MAOB: variants seen among roughly 807,000 people sequenced by gnomAD.
MAOB encodes the protein monoamine oxidase B, also known as amine oxidase [flavin-containing] B.
A neutral mutation model predicts 41.9 loss-of-function variants in MAOB; 15 were observed. The observed-to-expected ratio is 0.36, with a 90% CI of 0.24 to 0.55. The LOEUF is 0.55. MAOB is among the 20% of genes least tolerant of loss of function. The probability of loss-of-function intolerance (pLI) is 0.86; values close to 1 mark genes in which losing one functional copy is unlikely to be tolerated. For missense variants in MAOB, 345 were observed against 398.7 expected, an observed-to-expected ratio of 0.87 and a Z score of 1.15; for synonymous variants, 167 against 144.2, an observed-to-expected ratio of 1.16 and a Z score of -1.13.
intron 8 of MAOB, among the ~76,000 whole-genome samples, chrX:43,791,672 G>A (rs188294891): frequency 1.2e-4 from 13 of 110,386 alleles, no homozygotes; most frequent in Admixed American, 3.9e-4. Context: ...CAGGTGAATC[G>A]CTTAAACCCG....
chrX:43,860,196 T>C (rs1209308851), intron 1 of MAOB, among the ~76,000 whole-genome samples: 1 of 112,056 alleles, frequency 8.9e-6, no homozygotes, highest in African/African-American at 3.2e-5. Context: ...GACTCCACTT[T>C]TGAGCCTCTT....
At chrX:43,767,881 T>C (rs1035058628) in intron 14 of MAOB, among the ~76,000 whole-genome samples, 5 of 112,160 alleles carry the variant, frequency 4.5e-5, no homozygotes, top group Admixed American at 1.9e-4. Context: ...TTCACTGTTC[T>C]GTACTTTTTG....
chrX:43,882,006 C>T (rs967418060), intron 1 of MAOB, among the ~76,000 whole-genome samples: 2 of 112,317 alleles, frequency 1.8e-5, no homozygotes, highest in Non-Finnish European at 3.8e-5. Context: ...GGGAGAAGTT[C>T]AAAGTCTGGC....
Position 43,766,830 on chromosome X carries a change from G to A in MAOB, c.*636C>T, listed in dbSNP as rs182018652. ...TTAGCACAGAGTAAACCCACACAAC[G>A]GGACACCATCGGTAACTATGACAGG... On this transcript the variant is annotated 3_prime_UTR_variant, in exon 15 of 15. Transcript: ENST00000378069. The A allele has an allele frequency of 1.7e-3, 192 of 111,715 alleles. 1 individual carries two copies. Among genetic ancestry groups the A allele is most frequent in the Non-Finnish European group, 1.6e-3 (86 of 53,275 alleles). 9.2% of individuals were successfully genotyped at this position (111,715 alleles called of 1,213,427 possible).
intron 12 of MAOB, among the ~76,000 whole-genome samples, chrX:43,774,317 C>A (rs2034224827): frequency 8.9e-6 from 1 of 111,833 alleles, no homozygotes; most frequent in South Asian, 3.7e-4. Flanking sequence ...TAAACAACAA[C>A]ACACTTGGAT....
intron 1 of MAOB, among the ~76,000 whole-genome samples, chrX:43,845,138 AT>A (rs200240758): frequency 4.4e-4 from 49 of 110,557 alleles, no homozygotes; most frequent in South Asian, 3.5e-3. Flanking sequence ...AAAATACTGT[AT>A]TTTTTTTTAA....
chrX:43,825,628 C>T (rs1040436389), intron 3 of MAOB, among the ~76,000 whole-genome samples: 1 of 111,717 alleles, frequency 9.0e-6, no homozygotes, highest in African/African-American at 3.3e-5. Flanking sequence ...AACATAATAA[C>T]ATCTTATACA....
At chrX:43,791,253 TA>T (rs1446000342) in intron 8 of MAOB, among the ~76,000 whole-genome samples, 1 of 111,421 alleles carries the variant, frequency 9.0e-6, no homozygotes, top group African/African-American at 3.3e-5. Flanking sequence ...AGAAGCACCC[TA>T]AGCCAAAATT....
chrX:43,774,538 C>G lies in MAOB; in HGVS notation c.1235+637G>C, dbSNP rs189419173. On this transcript the variant is annotated intron_variant, in intron 12 of 14. Transcript: ENST00000378069. ...TTTTCATCATTTTGTGCTTTCCCAT[C>G]CACTTGCTAAGAAAGTGAGGTTCAG... Among the ~76,000 whole-genome samples the G allele has an allele frequency of 3.6e-5, 4 of 112,137 alleles. No individual in the cohort carries two copies. In the East Asian group the frequency reaches 1.1e-3, roughly 31 times the overall value.
intron 3 of MAOB, among the ~76,000 whole-genome samples, chrX:43,819,403 A>T (rs1041930832): frequency 2.7e-5 from 3 of 111,235 alleles, no homozygotes; most frequent in Non-Finnish European, 5.7e-5. Flanking sequence ...CACTCAGGAC[A>T]GCTCCCAAGG....
In MAOB at chrX:43,797,271, A is replaced by G. The variant is rs2034540631; in HGVS notation, c.477-5T>C. 4 of 1,148,363 alleles carry G rather than the reference A, an allele frequency of 3.5e-6. No individual in the cohort carries two copies. Among genetic ancestry groups the G allele is most frequent in the African/African-American group, 3.6e-5 (2 of 55,230 alleles). The allele number at this position is 1,148,363 out of a possible 1,213,427, so 94.6% of individuals were successfully genotyped here. A position where few individuals can be genotyped will look rare whatever the true frequency, so the allele number is the denominator to read the frequency against. On this transcript the variant is annotated splice_polypyrimidine_tract_variant and splice_region_variant and intron_variant, in intron 5 of 14. Coordinates refer to ENST00000378069, the MANE Select transcript of MAOB (RefSeq NM_000898.5). The stretch of plus-strand genomic sequence containing the variant: ...GTGGCAAGCTGCTTTGCAGATCTGC[A>G]CAGGAAGAAACAAGAGCAAACTTGG...
intron 7 of MAOB, 72 bp downstream of exon 7, chrX:43,795,666 TA>T: frequency 1.1e-6 from 1 of 929,292 alleles, no homozygotes; most frequent in Non-Finnish European, 1.5e-6. Context: ...CTGGAGATTC[TA>T]AGAATTTTTA....
intron 8 of MAOB, among the ~76,000 whole-genome samples, chrX:43,786,215 CCTT>C (rs1340204482): frequency 8.9e-6 from 1 of 112,038 alleles, no homozygotes; most frequent in African/African-American, 3.2e-5. Flanking sequence ...GTGTCCAACT[CCTT>C]CTGCTCCATC....
At chrX:43,842,371 C>G (rs2035146909) in intron 2 of MAOB, among the ~76,000 whole-genome samples, 2 of 112,069 alleles carry the variant, frequency 1.8e-5, no homozygotes, top group Admixed American at 1.9e-4. Flanking sequence ...TCACCTCACA[C>G]CTGTTAAAAT....
chrX:43,838,035 T>C (rs938373905), intron 3 of MAOB: 4 of 326,329 alleles, frequency 1.2e-5, no homozygotes, highest in Non-Finnish European at 2.4e-5. Context: ...CAGGGGATGC[T>C]TTGATCTAAG....
chrX:43,797,247 T>C lies in MAOB; in HGVS notation c.496A>G (p.Thr166Ala), dbSNP rs138342360. The C allele has an allele frequency of 1.5e-5, 18 of 1,194,123 alleles. No homozygotes were observed. In the African/African-American group the frequency reaches 2.1e-4, roughly 14 times the overall value. The change falls in exon 6 of 15, where the codon ACT (threonine) becomes GCT (alanine). Residue 166 changes from threonine (T) to alanine (A), a missense_variant. Transcript: ENST00000378069. ...CWTESAKQLA[T>A]LFVNLCVTAE... ...GTGACACACAGGTTCACAAAGAGAG[T>C]GGCAAGCTGCTTTGCAGATCTGCAC...
chrX:43,810,378 TTTTG>T (rs1202697525), intron 3 of MAOB, among the ~76,000 whole-genome samples: 1 of 110,587 alleles, frequency 9.0e-6, no homozygotes, highest in Non-Finnish European at 1.9e-5. Flanking sequence ...CACTCACTCA[TTTTG>T]TTTGTTTTAG....
intron 11 of MAOB, among the ~76,000 whole-genome samples, chrX:43,775,715 G>A (rs1243757220): frequency 8.9e-6 from 1 of 111,856 alleles, no homozygotes; most frequent in Non-Finnish European, 1.9e-5. Context: ...GAGCTTTCTT[G>A]AGGGAGGCTG....
chrX:43,773,331 C>T (rs780918034), intron 12 of MAOB, among the ~76,000 whole-genome samples: 2 of 111,909 alleles, frequency 1.8e-5, no homozygotes, highest in South Asian at 3.8e-4. Flanking sequence ...TACAGTAGTG[C>T]CCTCCTTTAT....
Sources: gnomAD v4.1 joint callset for allele counts (sites outside exome capture counted in the v4.1 genomes callset) on GRCh38, gnomAD v4.1.1 for gene constraint, MANE v1.5 for transcripts, NCBI Gene and HGNC (gene_info 2026-07-23, HGNC 2026-07-21) for gene names.